The following SCAMP1 variants were observed in gnomAD, a reference collection of about 807,000 sequenced individuals.
SCAMP1 encodes the protein secretory carrier membrane protein 1.
In SCAMP1, 15 loss-of-function variants were observed where a neutral mutation model predicts 41.8. That is an observed-to-expected ratio of 0.36 (90% CI 0.24 to 0.55). SCAMP1 has a LOEUF of 0.55. SCAMP1 is among the 20% of genes least tolerant of loss of function. The pLI, the probability that SCAMP1 is intolerant of heterozygous loss-of-function variation, is 0.86. For missense variants in SCAMP1, 341 were observed against 412.6 expected (o/e 0.83, Z 1.50); for synonymous variants, 135 against 136.8 (o/e 0.99, Z 0.09).
chr5:78,462,521 G>A (rs1024815091), intron 8 of SCAMP1, among the ~76,000 whole-genome samples: 1 of 151,748 alleles, frequency 6.6e-6, no homozygotes, highest in African/African-American at 2.4e-5. Context: ...AGATGATTTC[G>A]CCATGTTGGC....
At chr5:78,382,158 G>C (rs1046837436) in intron 1 of SCAMP1, among the ~76,000 whole-genome samples, 1 of 152,144 alleles carries the variant, frequency 6.6e-6, no homozygotes, top group African/African-American at 2.4e-5. Flanking sequence ...AATTCTGGGG[G>C]TTGGGTGCAA....
In SCAMP1 at chr5:78,476,173, A is replaced by C. The variant is rs1301554832; in HGVS notation, c.*505A>C. ...AGTCACCAGTGAAGAGCCTATGTGCATTTTGTAGTAGATAATGTAAAATTT... is the reference window on the plus strand; with the variant it reads ...AGTCACCAGTGAAGAGCCTATGTGCCTTTTGTAGTAGATAATGTAAAATTT... On this transcript the variant is annotated 3_prime_UTR_variant, in exon 9 of 9. Transcript: ENST00000621999. 1 of 152,530 alleles carries C rather than the reference A, an allele frequency of 6.6e-6. No homozygotes were observed. Among genetic ancestry groups the C allele is most frequent in the Non-Finnish European group, 1.5e-5 (1 of 68,010 alleles). The allele number at this position is 152,530 out of a possible 1,614,324, so 9.4% of individuals were successfully genotyped here.
intron 1 of SCAMP1, among the ~76,000 whole-genome samples, chr5:78,362,676 G>A (rs1750686758): frequency 6.6e-6 from 1 of 152,102 alleles, no homozygotes; most frequent in Non-Finnish European, 1.5e-5. Flanking sequence ...TTTGGTGACT[G>A]TTATAGCACT....
intron 1 of SCAMP1, among the ~76,000 whole-genome samples, chr5:78,383,346 A>G (rs986513441): frequency 6.6e-6 from 1 of 152,030 alleles, no homozygotes; most frequent in African/African-American, 2.4e-5. Flanking sequence ...GTCCTTTGTC[A>G]AATGTATAGA....
chr5:78,387,927 T>C (rs954748608), intron 1 of SCAMP1, among the ~76,000 whole-genome samples: 5 of 152,080 alleles, frequency 3.3e-5, no homozygotes, highest in African/African-American at 4.8e-5. Flanking sequence ...AGCCAGGAGG[T>C]GGCACTTTTA....
At chr5:78,440,079 T>G (rs1039979835) in intron 6 of SCAMP1, among the ~76,000 whole-genome samples, 1 of 152,184 alleles carries the variant, frequency 6.6e-6, no homozygotes, top group Non-Finnish European at 1.5e-5. Flanking sequence ...GTCTTCTCTA[T>G]GCTGTTTATT....
At chr5:78,453,272 C>T (rs1753291527) in intron 7 of SCAMP1, among the ~76,000 whole-genome samples, 1 of 151,120 alleles carries the variant, frequency 6.6e-6, no homozygotes. Context: ...TGCCTATGTC[C>T]TGAATGGTAA....
At chr5:78,451,974 G>A (rs1441338417) in intron 7 of SCAMP1, among the ~76,000 whole-genome samples, 7 of 152,102 alleles carry the variant, frequency 4.6e-5, no homozygotes, top group African/African-American at 1.7e-4. Flanking sequence ...TTTTTGAGTA[G>A]TATTCTATGA....
At chr5:78,456,917 T>G (rs947233901) in intron 7 of SCAMP1, among the ~76,000 whole-genome samples, 1 of 131,408 alleles carries the variant, frequency 7.6e-6, no homozygotes, top group African/African-American at 3.1e-5. Context: ...CTTCCCTTCT[T>G]GCTTCATTTC....
In SCAMP1 at chr5:78,416,585, A is replaced by G; in HGVS notation, c.279A>G (p.Glu93=). The G allele has an allele frequency of 2.5e-6, 4 of 1,599,658 alleles. No homozygotes were observed. The highest frequency in any genetic ancestry group is 2.7e-5 in the African/African-American group (2 of 74,734). ...CTGAACTTCTTAAGCGCCAGGAAGA[A>G]CTAGAAAGAAAAGCCGCAGAATTAG... The part of the protein sequence containing the change: ...AQAELLKRQE[E]LERKAAELDR... Residue 93 remains glutamate (E), a synonymous_variant, in exon 4 of 9, where the codon GAA becomes GAG. Transcript: ENST00000621999.
intron 6 of SCAMP1, among the ~76,000 whole-genome samples, chr5:78,425,871 T>C (rs1214154695): frequency 6.6e-6 from 1 of 152,180 alleles, no homozygotes; most frequent in Non-Finnish European, 1.5e-5. Flanking sequence ...GGTGGTTTGC[T>C]GCACCTATCA....
intron 1 of SCAMP1, among the ~76,000 whole-genome samples, chr5:78,388,362 G>A (rs1279857697): frequency 3.9e-5 from 6 of 152,238 alleles, no homozygotes. Context: ...AGATATTGGA[G>A]TAGAATAAAA....
At chr5:78,466,050 C>T (rs993514619) in intron 8 of SCAMP1, among the ~76,000 whole-genome samples, 2 of 152,244 alleles carry the variant, frequency 1.3e-5, no homozygotes, top group African/African-American at 4.8e-5. Flanking sequence ...ACATGTAACA[C>T]TGACCATCAC....
chr5:78,472,022 TTTAAG>T (rs1446003915), intron 8 of SCAMP1, among the ~76,000 whole-genome samples: 1 of 152,036 alleles, frequency 6.6e-6, no homozygotes, highest in African/African-American at 2.4e-5. Context: ...AAAGATAGTA[TTTAAG>T]TTGTTTAATT....
At chr5:78,439,973 C>T (rs972904017) in intron 6 of SCAMP1, among the ~76,000 whole-genome samples, 1 of 152,122 alleles carries the variant, frequency 6.6e-6, no homozygotes, top group Non-Finnish European at 1.5e-5. Context: ...ATCACTGATA[C>T]CCTTTCTTCC....
intron 6 of SCAMP1, among the ~76,000 whole-genome samples, chr5:78,448,788 G>A (rs1292188915): frequency 6.6e-6 from 1 of 152,100 alleles, no homozygotes; most frequent in Non-Finnish European, 1.5e-5. Flanking sequence ...ATCACCTGAG[G>A]TTGGGAGTTC....
At chr5:78,445,456 A>G (rs545173860) in intron 6 of SCAMP1, among the ~76,000 whole-genome samples, 5 of 152,374 alleles carry the variant, frequency 3.3e-5, no homozygotes, top group African/African-American at 1.2e-4. Flanking sequence ...GAGGCAGATT[A>G]CAATTTAATT....
chr5:78,372,090 G>T (rs1052855881), intron 1 of SCAMP1, among the ~76,000 whole-genome samples: 1 of 152,174 alleles, frequency 6.6e-6, no homozygotes, highest in African/African-American at 2.4e-5. Flanking sequence ...CATTCTGTAC[G>T]TAACAAATAC....
intron 8 of SCAMP1, among the ~76,000 whole-genome samples, chr5:78,463,444 CT>C (rs1193713019): frequency 1.3e-5 from 2 of 152,194 alleles, no homozygotes; most frequent in Non-Finnish European, 2.9e-5. Flanking sequence ...GACCTAGAAT[CT>C]TGGAATTGGA....
Sources: allele counts gnomAD v4.1 joint callset (sites outside exome capture counted in the v4.1 genomes callset), GRCh38; gene constraint gnomAD v4.1.1; transcripts MANE v1.5; gene names NCBI Gene and HGNC (gene_info 2026-07-23, HGNC 2026-07-21).